DOK6: variants seen among roughly 807,000 people sequenced by gnomAD.
DOK6 encodes downstream of tyrosine kinase 6.
DOK6 carries 22 observed loss-of-function variants against 44.0 expected under a neutral mutation model. The observed-to-expected ratio is 0.50, with a 90% CI of 0.36 to 0.71. The LOEUF is 0.71. Ranked by LOEUF, DOK6 falls within the 30% of genes least tolerant of loss-of-function variation. The probability of loss-of-function intolerance (pLI) is 0.00; values close to 1 mark genes in which losing one functional copy is unlikely to be tolerated. For missense variants in DOK6, 340 were observed against 416.4 expected (o/e 0.82, Z 1.60); for synonymous variants, 166 against 145.5 (o/e 1.14, Z -1.01).
intron 3 of DOK6, among the ~76,000 whole-genome samples, chr18:69,648,343 A>G (rs1985137097): frequency 6.6e-6 from 1 of 152,188 alleles, no homozygotes; most frequent in African/African-American, 2.4e-5. Context: ...ACAAAACCAA[A>G]GCCCATTTTC....
intron 7 of DOK6, among the ~76,000 whole-genome samples, chr18:69,822,036 A>G (rs138332800): frequency 0.014 from 2,107 of 152,210 alleles, 39 homozygotes; most frequent in African/African-American, 0.048. Context: ...TTTCTTTCTC[A>G]TATATCACGA....
intron 1 of DOK6, among the ~76,000 whole-genome samples, chr18:69,536,976 T>TATG (rs1982139018): frequency 9.4e-6 from 1 of 106,782 alleles, no homozygotes; most frequent in Non-Finnish European, 2.0e-5. Context: ...ACAGAAGATT[T>TATG]ATCATTATTA....
At chr18:69,706,984 G>A (rs989214820) in intron 5 of DOK6, among the ~76,000 whole-genome samples, 1 of 151,940 alleles carries the variant, frequency 6.6e-6, no homozygotes, top group Non-Finnish European at 1.5e-5. Flanking sequence ...GAATAGTGCT[G>A]CAATAAACAT....
At chr18:69,631,574 G>A (rs1984691021) in intron 3 of DOK6, among the ~76,000 whole-genome samples, 1 of 152,082 alleles carries the variant, frequency 6.6e-6, no homozygotes, top group African/African-American at 2.4e-5. Context: ...CTCTTTCAGG[G>A]CTCTTTCATC....
chr18:69,768,200 A>G (rs1333435610), intron 7 of DOK6, among the ~76,000 whole-genome samples: 3 of 152,224 alleles, frequency 2.0e-5, no homozygotes, highest in Non-Finnish European at 4.4e-5. Flanking sequence ...TAAACAGTAC[A>G]TAATATTAGT....
intron 1 of DOK6, among the ~76,000 whole-genome samples, chr18:69,522,125 G>A (rs906040905): frequency 6.6e-6 from 1 of 151,720 alleles, no homozygotes; most frequent in African/African-American, 2.4e-5. Context: ...GAATCCCTTC[G>A]AATGGACCTG....
chr18:69,623,816 C>T (rs1303012211), intron 3 of DOK6, among the ~76,000 whole-genome samples: 2 of 152,138 alleles, frequency 1.3e-5, no homozygotes, highest in African/African-American at 2.4e-5. Context: ...GTTATAATGA[C>T]ATAATTAGTA....
chr18:69,687,046 T>A (rs1000158699), intron 4 of DOK6, among the ~76,000 whole-genome samples: 9 of 152,138 alleles, frequency 5.9e-5, no homozygotes, highest in African/African-American at 2.2e-4. Context: ...GGAGGAAATA[T>A]CATTTCACAA....
chr18:69,645,236 G>A (rs1193815204), intron 3 of DOK6, among the ~76,000 whole-genome samples: 1 of 152,134 alleles, frequency 6.6e-6, no homozygotes, highest in Non-Finnish European at 1.5e-5. Flanking sequence ...ACAGAGATGG[G>A]CTTATGCTAC....
At chr18:69,793,365 A>G (rs1355747962) in intron 7 of DOK6, among the ~76,000 whole-genome samples, 7 of 152,168 alleles carry the variant, frequency 4.6e-5, no homozygotes, top group Non-Finnish European at 8.8e-5. Context: ...CTTGTGTCCA[A>G]CTGATGATCC....
In DOK6 at chr18:69,625,877, A is replaced by T. The variant is rs147587933; in HGVS notation, c.289+26379A>T. 6.0e-3 allele frequency among the ~76,000 whole-genome samples: 915 copies of T among 152,354 alleles called. 32 individuals are homozygous for T. Among genetic ancestry groups the T allele is most frequent in the Admixed American group, 0.05 (759 of 15,294 alleles). On this transcript the variant is annotated intron_variant, in intron 3 of 7. Coordinates refer to ENST00000382713, the MANE Select transcript of DOK6 (RefSeq NM_152721.6). ...GCATAAATATTATCTCAGTGAAAAT[A>T]AAGTTACTAAAAGGCAGTTGATGAG...
chr18:69,749,179 C>T (rs1435520009), intron 6 of DOK6, among the ~76,000 whole-genome samples: 2 of 152,000 alleles, frequency 1.3e-5, no homozygotes, highest in South Asian at 2.1e-4. Flanking sequence ...GAGAGGGAGA[C>T]CATTAGGAAA....
intron 1 of DOK6, among the ~76,000 whole-genome samples, chr18:69,525,168 T>C (rs193063193): frequency 1.8e-4 from 27 of 152,000 alleles, no homozygotes; most frequent in African/African-American, 5.3e-4. Flanking sequence ...GTAATCTTTG[T>C]TTATAGTTTT....
intron 5 of DOK6, among the ~76,000 whole-genome samples, chr18:69,732,639 G>A (rs2144732566): frequency 6.6e-6 from 1 of 152,288 alleles, no homozygotes; most frequent in African/African-American, 2.4e-5. Context: ...ACTTTGGAAA[G>A]ATGTGAAAAG....
chr18:69,792,151 A>AT (rs546469892), intron 7 of DOK6, among the ~76,000 whole-genome samples: 43 of 152,084 alleles, frequency 2.8e-4, no homozygotes, highest in Admixed American at 5.2e-4. Context: ...TTTAGTTACT[A>AT]TAGCTCTGCA....
At chr18:69,567,476 CA>C (rs905023295) in intron 2 of DOK6, among the ~76,000 whole-genome samples, 12 of 145,630 alleles carry the variant, frequency 8.2e-5, no homozygotes, top group East Asian at 2.0e-4. Context: ...AAACCATTAC[CA>C]AAAAAAAAAT....
chr18:69,492,619 G>A (rs972095980), intron 1 of DOK6, among the ~76,000 whole-genome samples: 1 of 151,800 alleles, frequency 6.6e-6, no homozygotes, highest in Non-Finnish European at 1.5e-5. Context: ...TCCCTGTTTT[G>A]TGTCCATGTG....
At chr18:69,455,168 A>G (rs1979595923) in intron 1 of DOK6, among the ~76,000 whole-genome samples, 2 of 140,836 alleles carry the variant, frequency 1.4e-5, no homozygotes, top group Admixed American at 7.5e-5. Flanking sequence ...AAAAAAAAAA[A>G]AAAAAAGAAA....
intron 1 of DOK6, among the ~76,000 whole-genome samples, chr18:69,548,676 C>T (rs780401604): frequency 7.3e-5 from 11 of 151,596 alleles, no homozygotes; most frequent in Admixed American, 6.6e-4. Context: ...CTGAAATACA[C>T]GGTCACTCAA....
Sources: allele counts gnomAD v4.1 joint callset (sites outside exome capture counted in the v4.1 genomes callset), GRCh38; gene constraint gnomAD v4.1.1; transcripts MANE v1.5; gene names NCBI Gene and HGNC (gene_info 2026-07-23, HGNC 2026-07-21).